The following DAB2 variants were observed in gnomAD, a reference collection of about 807,000 sequenced individuals.
DAB2 encodes DAB adaptor protein 2.
Under a neutral mutation model 71.6 loss-of-function variants are expected in DAB2, and 28 were observed. That is an observed-to-expected ratio of 0.39 (90% CI 0.29 to 0.54). DAB2 has a LOEUF of 0.54. Ranked by LOEUF, DAB2 falls within the 20% of genes least tolerant of loss-of-function variation. The pLI is 0.68. For missense variants in DAB2, 867 were observed against 928.8 expected (o/e 0.93, Z 0.86); for synonymous variants, 345 against 339.7 (o/e 1.02, Z -0.17).
chr5:39,392,261 C>T, intron 4 of DAB2, 104 bp downstream of exon 4: 3 of 795,820 alleles, frequency 3.8e-6, no homozygotes, highest in Admixed American at 3.9e-5. Context: ...TATATTTGTT[C>T]CCCACAGAAC....
chr5:39,406,168 C>T (rs1043438209), intron 1 of DAB2, among the ~76,000 whole-genome samples: 1 of 152,046 alleles, frequency 6.6e-6, no homozygotes, highest in African/African-American at 2.4e-5. Flanking sequence ...GGGAAGAATT[C>T]CCATAACAGG....
In DAB2 at chr5:39,376,556, C is replaced by T. The variant is rs146056444; in HGVS notation, c.2137+94G>A. On this transcript the variant is annotated intron_variant, in intron 12 of 14. Transcript: ENST00000320816. ...ACAGAAGCAAGAGCAAAGCTGTTGGCGGGTGGGAGAGGGTTCATTTGGGGA... is the reference window on the plus strand; with the variant it reads ...ACAGAAGCAAGAGCAAAGCTGTTGGTGGGTGGGAGAGGGTTCATTTGGGGA... 6.6e-4 allele frequency: 925 copies of T among 1,411,118 alleles called. 2 individuals carry two copies. Among genetic ancestry groups the T allele is most frequent in the Non-Finnish European group, 8.4e-4 (866 of 1,031,908 alleles). 87.4% of individuals were successfully genotyped at this position (1,411,118 alleles called of 1,614,324 possible).
At chr5:39,395,223 G>T (rs1986632258) in intron 1 of DAB2, among the ~76,000 whole-genome samples, 1 of 11,282 alleles carries the variant, frequency 8.9e-5, no homozygotes, top group Non-Finnish European at 3.2e-4. Flanking sequence ...CTTCCCAGGA[G>T]CCAATGTTTC....
intron 11 of DAB2, among the ~76,000 whole-genome samples, chr5:39,379,039 C>T (rs187276320): frequency 1.4e-4 from 22 of 152,262 alleles, no homozygotes; most frequent in Admixed American, 3.3e-4. Flanking sequence ...AGATCACTTG[C>T]TAATAATTTC....
intron 1 of DAB2, among the ~76,000 whole-genome samples, chr5:39,424,179 T>C (rs143916656): frequency 1.1e-3 from 168 of 152,264 alleles, no homozygotes; most frequent in Non-Finnish European, 1.5e-3. Flanking sequence ...TTAATCTTTT[T>C]AACCAGCTTA....
Position 39,388,366 on chromosome 5 carries a change from C to A in DAB2, c.626G>T (p.Gly209Val). The change falls in exon 9 of 15, where the codon GGT becomes GTT. Residue 209 changes from glycine (G) to valine (V), a missense_variant and splice_region_variant. Gly to Val is a moderately radical substitution (Grantham distance 109). Transcript: ENST00000320816. ...CCCAAACAAATCCATCTGGTCAACA[C>A]CCTTAAAAAAGTATTTGGATTAGAT... is the stretch of plus-strand genomic sequence containing the variant. ...LDDQTNKLKS[G>V]VDQMDLFGDM... is the part of the protein sequence containing the mutation. The A allele has an allele frequency of 6.2e-7, 1 of 1,607,514 alleles. No individual in the cohort carries two copies. Among genetic ancestry groups the A allele is most frequent in the Middle Eastern group, 1.7e-4 (1 of 6,040 alleles).
At chr5:39,405,696 T>A (rs919585287) in intron 1 of DAB2, among the ~76,000 whole-genome samples, 7 of 152,234 alleles carry the variant, frequency 4.6e-5, no homozygotes, top group African/African-American at 1.4e-4. Flanking sequence ...TAGGCACCTA[T>A]GCCCATGCAT....
At chr5:39,395,407 A>G (rs888422201) in intron 1 of DAB2, among the ~76,000 whole-genome samples, 13 of 152,212 alleles carry the variant, frequency 8.5e-5, no homozygotes, top group African/African-American at 3.1e-4. Flanking sequence ...TTCCGTGCCT[A>G]TACCACCCAT....
intron 2 of DAB2, 106 bp from the exon 3 acceptor site, chr5:39,393,499 A>G (rs1480586119): frequency 6.2e-6 from 7 of 1,134,544 alleles, no homozygotes; most frequent in Non-Finnish European, 8.9e-6. Context: ...ATTATACTAC[A>G]ACTGATCATG....
In DAB2 at chr5:39,375,024, C is replaced by A; in HGVS notation, c.2308G>T (p.Ala770Ser). The A allele has an allele frequency of 6.2e-7, 1 of 1,609,236 alleles. No homozygotes were observed. Among genetic ancestry groups the A allele is most frequent in the South Asian group, 1.1e-5 (1 of 90,576 alleles). ...MYRDPFGNPF[A>S] ...GGATCTTCTACTTACAGAATTTAGG[C>A]AAAAGGATTTCCAAATGGATCCCTA... Residue 770 changes from alanine to serine, a missense_variant, in exon 14 of 15, where the codon GCC becomes TCC. Transcript: ENST00000320816.
chr5:39,404,682 G>A (rs1353398281), intron 1 of DAB2, among the ~76,000 whole-genome samples: 2 of 151,856 alleles, frequency 1.3e-5, no homozygotes, highest in Non-Finnish European at 2.9e-5. Flanking sequence ...GGGTTCAAGC[G>A]ATTCCCCTGC....
At chr5:39,398,057 AAG>A (rs541268863) in intron 1 of DAB2, among the ~76,000 whole-genome samples, 20 of 152,326 alleles carry the variant, frequency 1.3e-4, no homozygotes, top group Non-Finnish European at 2.1e-4. Context: ...ACCTGGGCTT[AAG>A]AGTCTGTTGC....
chr5:39,390,339 C>T, intron 5 of DAB2, 105 bp downstream of exon 5: 1 of 1,336,576 alleles, frequency 7.5e-7, no homozygotes, highest in East Asian at 2.4e-5. Context: ...ATTATTTAGC[C>T]CTCTTACATC....
Position 39,377,298 on chromosome 5 carries a change from G to A in DAB2, c.1505-16C>T, listed in dbSNP as rs1486057689. 1 of 1,596,306 alleles carries A rather than the reference G, an allele frequency of 6.3e-7. No individual in the cohort carries two copies. Among genetic ancestry groups the A allele is most frequent in the South Asian group, 1.1e-5 (1 of 88,408 alleles). On this transcript the variant is annotated splice_polypyrimidine_tract_variant and intron_variant, in intron 11 of 14. Transcript: ENST00000320816. Reference sequence around the variant, plus strand: ...GTTACACCACCTGAAGTAAGAGGAAGAAAAATACTTATCAGGAGTCAAGCT... The same window carrying A: ...GTTACACCACCTGAAGTAAGAGGAAAAAAAATACTTATCAGGAGTCAAGCT...
Position 39,382,929 on chromosome 5 carries a change from CA to C in DAB2, c.1029del (p.Phe343LeufsTer33). 1 of 1,614,102 alleles carries C rather than the reference CA, an allele frequency of 6.2e-7. No homozygotes were observed. Among genetic ancestry groups the C allele is most frequent in the Non-Finnish European group, 8.5e-7 (1 of 1,180,028 alleles). On this transcript the variant is annotated frameshift_variant, in exon 10 of 15. Coordinates refer to ENST00000320816, the MANE Select transcript of DAB2 (RefSeq NM_001343.4). LOFTEE classifies it high-confidence loss of function. Reference protein sequence around the residue: ...NGPLNGDVDYFGQQFDQISNR... With the variant: ...NGPLNGDVDYXGQQFDQISNR... ...TTAGAGATCTGGTCAAATTGCTGAC[CA>C]AAGTAGTCAACATCACCATTCAGGG...
intron 1 of DAB2, among the ~76,000 whole-genome samples, chr5:39,405,218 T>C (rs1755586148): frequency 6.6e-6 from 1 of 152,232 alleles, no homozygotes; most frequent in Non-Finnish European, 1.5e-5. Context: ...TTTTGGTCTT[T>C]TGATCACGTG....
chr5:39,390,913 A>G (rs1755211909), intron 4 of DAB2, among the ~76,000 whole-genome samples: 1 of 152,202 alleles, frequency 6.6e-6, no homozygotes, highest in Non-Finnish European at 1.5e-5. Flanking sequence ...GCCAAGCCAA[A>G]TAGGTCTACT....
In DAB2 at chr5:39,390,540, A is replaced by G; in HGVS notation, c.366T>C (p.Ser122=). 2 of 1,613,770 alleles carry G rather than the reference A, an allele frequency of 1.2e-6. No individual in the cohort carries two copies. Among genetic ancestry groups the G allele is most frequent in the Non-Finnish European group, 1.7e-6 (2 of 1,179,666 alleles). The part of the protein sequence containing the change: ...IEHEHPVNKI[S]FIARDVTDNR... ...TGTCTGTCACATCACGGGCAATGAA[A>G]GAAATCTTATTTACTGGATGTTCAT... The change falls in exon 5 of 15, where the codon TCT becomes TCC. Residue 122 remains serine, a synonymous_variant. Transcript: ENST00000320816.
rs1406017808 is a variant in DAB2, at chr5:39,422,807, T to C, written c.-102+1997A>G. ...ACCCAAACAAGGCCAGTGAAATCCA[T>C]TCAACCTTTGGAGAAAGACAACAAA... is the stretch of plus-strand genomic sequence containing the variant. On this transcript the variant is annotated intron_variant, in intron 1 of 14. Coordinates refer to ENST00000320816, the MANE Select transcript of DAB2 (RefSeq NM_001343.4). The surrounding 1 kb of genome is among the most constrained non-coding windows in gnomAD (Gnocchi z 4.1). Among the ~76,000 whole-genome samples the C allele has an allele frequency of 6.6e-6, 1 of 152,182 alleles. No homozygotes were observed. The highest frequency in any genetic ancestry group is 2.4e-5 in the African/African-American group (1 of 41,446).
Sources: allele counts gnomAD v4.1 joint callset (sites outside exome capture counted in the v4.1 genomes callset), GRCh38; gene constraint gnomAD v4.1.1; non-coding constraint Gnocchi (gnomAD v3.1); transcripts MANE v1.5; gene names NCBI Gene and HGNC (gene_info 2026-07-23, HGNC 2026-07-21).